CELA3A: variants seen among roughly 807,000 people sequenced by gnomAD.
The protein encoded by CELA3A is chymotrypsin-like elastase family member 3A.
CELA3A carries 35 observed loss-of-function variants against 38.6 expected under a neutral mutation model. That is an observed-to-expected ratio of 0.91 (90% CI 0.69 to 1.20). CELA3A has a LOEUF of 1.20. Ranked by LOEUF, CELA3A falls within the 50% of genes most tolerant of loss-of-function variation. The probability of loss-of-function intolerance (pLI) is 0.00; values close to 1 mark genes in which losing one functional copy is unlikely to be tolerated. For synonymous variants in CELA3A, 143 were observed against 136.7 expected, an observed-to-expected ratio of 1.05 and a Z score of -0.32; for missense variants, 343 against 354.2, an observed-to-expected ratio of 0.97 and a Z score of 0.25.
rs944566744 is a variant in CELA3A at position 22,008,574 on chromosome 1, A to C, written c.642+1059A>C. Reference sequence around the variant, plus strand: ...GGAGATCGAGATCATCCTGGCTAACATGGTGAAACCTCGTCTCTACTAAAC... The same window carrying C: ...GGAGATCGAGATCATCCTGGCTAACCTGGTGAAACCTCGTCTCTACTAAAC... On this transcript the variant is annotated intron_variant, in intron 6 of 7. Transcript: ENST00000290122. 4.0e-5 allele frequency among the ~76,000 whole-genome samples: 6 copies of C among 150,676 alleles called. 1 individual carries two copies. Among genetic ancestry groups the C allele is most frequent in the African/African-American group, 1.5e-4 (6 of 40,536 alleles).
chr1:22,004,810 G>A (rs1204405511), intron 2 of CELA3A, among the ~76,000 whole-genome samples: 3 of 151,260 alleles, frequency 2.0e-5, no homozygotes, highest in African/African-American at 7.3e-5. Context: ...GTTCAAAAGA[G>A]TCAGGGGGGC....
intron 6 of CELA3A, among the ~76,000 whole-genome samples, chr1:22,008,366 G>T (rs555349212): frequency 6.6e-6 from 1 of 150,554 alleles, no homozygotes; most frequent in South Asian, 2.1e-4. Flanking sequence ...GCCCAGGCTG[G>T]TCTCTAACTC....
Position 22,012,245 on chromosome 1 carries a change from G to C in CELA3A, c.796-205G>C, listed in dbSNP as rs1269777621. Reference sequence around the variant, plus strand: ...CTAAATTTGTGCTGGGCATTGTAAAGAGAACCTTAGTTAACAATTTAATCA... The same window carrying C: ...CTAAATTTGTGCTGGGCATTGTAAACAGAACCTTAGTTAACAATTTAATCA... On this transcript the variant is annotated intron_variant, in intron 7 of 7. Coordinates refer to ENST00000290122, the MANE Select transcript of CELA3A (RefSeq NM_005747.5). 1.6e-5 allele frequency among the ~76,000 whole-genome samples: 2 copies of C among 126,338 alleles called. 1 individual carries two copies. The highest frequency in any genetic ancestry group is 3.2e-5 in the Non-Finnish European group (2 of 61,632). 82.9% of individuals were successfully genotyped at this position (126,338 alleles called of 152,430 possible).
Position 22,007,119 on chromosome 1 carries a change from C to T in CELA3A, c.499+105C>T, listed in dbSNP as rs1644955554. The T allele has an allele frequency of 2.7e-6, 4 of 1,497,616 alleles. 1 individual carries two copies. The highest frequency in any genetic ancestry group is 2.8e-5 in the African/African-American group (2 of 71,092). The allele number at this position is 1,497,616 out of a possible 1,614,324, so 92.8% of individuals were successfully genotyped here. A position where few individuals can be genotyped will look rare whatever the true frequency, so the allele number is the denominator to read the frequency against. ...CCAAGACCGGACCTTGTACTTTTCT[C>T]CCATTTCTCTCCAGCTGCAGCCTTC... On this transcript the variant is annotated intron_variant, in intron 5 of 7. Coordinates refer to ENST00000290122, the MANE Select transcript of CELA3A (RefSeq NM_005747.5).
At chr1:22,007,614 C>T (rs1644959392) in intron 6 of CELA3A, 99 bp downstream of exon 6, 10 of 1,501,928 alleles carry the variant, frequency 6.7e-6, no homozygotes, top group South Asian at 2.7e-5. Context: ...TGCCTGCTTG[C>T]CCCATTCAGC....
intron 2 of CELA3A, among the ~76,000 whole-genome samples, 171 bp from the exon 3 acceptor site, chr1:22,005,276 C>T (rs1481312643): frequency 2.6e-5 from 4 of 151,782 alleles, no homozygotes; most frequent in African/African-American, 7.3e-5. Flanking sequence ...AGGGCCACCA[C>T]GGGCAGCTGC....
At chr1:22,006,466 G>A (rs1644950533) in intron 4 of CELA3A, among the ~76,000 whole-genome samples, 3 of 151,272 alleles carry the variant, frequency 2.0e-5, no homozygotes, top group African/African-American at 7.3e-5. Flanking sequence ...GGCGGAGGCT[G>A]CAGTGAGCCA....
rs1459052907 is a variant in CELA3A, at chr1:22,011,479, G to C, written c.796-971G>C. The stretch of plus-strand genomic sequence containing the variant: ...CCATGTTAAAAAAATATATATATAA[G>C]GCCAGGCACGGTGGCTCATGCCTGT... On this transcript the variant is annotated intron_variant, in intron 7 of 7. Transcript: ENST00000290122. Among the ~76,000 whole-genome samples the C allele has an allele frequency of 1.5e-5, 2 of 129,214 alleles. 1 individual carries two copies. The highest frequency in any genetic ancestry group is 3.2e-5 in the Non-Finnish European group (2 of 62,360). 84.8% of individuals were successfully genotyped at this position (129,214 alleles called of 152,430 possible). A position where few individuals can be genotyped will look rare whatever the true frequency, so the allele number is the denominator to read the frequency against.
At position 22,007,008 on chromosome 1, in the gene CELA3A, C is replaced by G; in HGVS notation, c.493C>G (p.Leu165Val). 6.2e-7 allele frequency: 1 copy of G among 1,612,370 alleles called. No individual in the cohort carries two copies. Among genetic ancestry groups the G allele is most frequent in the Non-Finnish European group, 8.5e-7 (1 of 1,179,370 alleles). Residue 165 changes from leucine to valine, a missense_variant, in exon 5 of 8, where the codon CTC (leucine) becomes GTC (valine). By Grantham distance (32) the Leu-to-Val change is conservative (BLOSUM62 1). Coordinates refer to ENST00000290122, the MANE Select transcript of CELA3A (RefSeq NM_005747.5). The part of the protein sequence containing the change: ...TPCYITGWGR[L>V]YTNGPLPDKL... ...CTGCTACATCACCGGCTGGGGCCGT[C>G]TCTATAGTACGTGCTGACTTCTCTA...
At chr1:22,003,681 C>CAA (rs755292250) in intron 2 of CELA3A, among the ~76,000 whole-genome samples, 3 of 143,144 alleles carry the variant, frequency 2.1e-5, no homozygotes, top group Admixed American at 1.4e-4. Context: ...GACTCTGTCT[C>CAA]AAAAAAAAAA....
intron 6 of CELA3A, among the ~76,000 whole-genome samples, chr1:22,008,128 T>TG (rs61132601): frequency 0.73 from 104,740 of 143,566 alleles, 41,360 homozygotes; most frequent in Non-Finnish European, 0.88. Context: ...CACCCAAGCC[T>TG]GGCGACACAG....
chr1:22,006,329 A>G lies in CELA3A; in HGVS notation c.362+533A>G, dbSNP rs1323406672. On this transcript the variant is annotated intron_variant, in intron 4 of 7. Transcript: ENST00000290122. ...GGCTTCCTGGGTGGTGTGAAGGCCA[A>G]GGAGACAATCTTATGCCTTTCAAGT... 2.6e-5 allele frequency among the ~76,000 whole-genome samples: 4 copies of G among 151,410 alleles called. No homozygotes were observed. In the East Asian group the frequency reaches 7.8e-4, roughly 29 times the overall value.
intron 1 of CELA3A, among the ~76,000 whole-genome samples, chr1:22,002,270 C>A (rs1461638461): frequency 4.6e-5 from 7 of 151,390 alleles, no homozygotes; most frequent in Non-Finnish European, 7.4e-5. Context: ...CTCAGGAGAT[C>A]AGTACTATCA....
In CELA3A at chr1:22,011,270, AC is replaced by A. The variant is rs1217009307; in HGVS notation, c.796-1179del. Among the ~76,000 whole-genome samples the A allele has an allele frequency of 1.0e-4, 15 of 148,564 alleles. 1 individual carries two copies. The East Asian group carries it at 3.1e-3, about 31-fold the overall frequency. ...TTGGTGCATGCCTGTGGTCCCAGCT[AC>A]TCAGGAGGCTGAGGCAGGAGAACTG... On this transcript the variant is annotated intron_variant, in intron 7 of 7. Transcript: ENST00000290122.
At position 22,001,787 on chromosome 1, in the gene CELA3A, G is replaced by A. The variant is rs1002513036; in HGVS notation, c.43+70G>A. The A allele has an allele frequency of 1.9e-5, 30 of 1,585,084 alleles. 1 individual carries two copies. Among genetic ancestry groups the A allele is most frequent in the African/African-American group, 1.4e-4 (10 of 73,040 alleles). ...TAGGAATCCTTGAAATCTACCACTC[G>A]CTCTGAGTCCCATGACATGCTATGC... On this transcript the variant is annotated intron_variant, in intron 1 of 7. Coordinates refer to ENST00000290122, the MANE Select transcript of CELA3A (RefSeq NM_005747.5).
In CELA3A at chr1:22,005,778, G is replaced by T; in HGVS notation, c.344G>T (p.Arg115Leu). Reference sequence around the variant, plus strand: ...CTGTTTGTGCATCCACTCTGGAACCGCTCGTGTGTGGCCTGTGGGTGAGTG... The same window carrying T: ...CTGTTTGTGCATCCACTCTGGAACCTCTCGTGTGTGGCCTGTGGGTGAGTG... ...EELFVHPLWNRSCVACGNDIA... is the reference protein window; with the variant it reads ...EELFVHPLWNLSCVACGNDIA... The change falls in exon 4 of 8, where the codon CGC becomes CTC. Residue 115 changes from arginine to leucine, a missense_variant. Arg to Leu is a moderately radical substitution (Grantham distance 102, BLOSUM62 -2). Transcript: ENST00000290122. The T allele has an allele frequency of 6.2e-7, 1 of 1,611,612 alleles. No individual in the cohort carries two copies. Among genetic ancestry groups the T allele is most frequent in the Non-Finnish European group, 8.5e-7 (1 of 1,179,510 alleles).
chr1:22,003,627 G>C (rs1644931041), intron 2 of CELA3A, among the ~76,000 whole-genome samples: 1 of 150,554 alleles, frequency 6.6e-6, no homozygotes, highest in Non-Finnish European at 1.5e-5. Flanking sequence ...GTTGCAGTGA[G>C]ACAAGATTGC....
In CELA3A at chr1:22,009,656, G is replaced by A. The variant is rs368298342; in HGVS notation, c.643-49G>A. Reference sequence around the variant, plus strand: ...ATCCCTAGAATTCAGAACCAGTTCCGTAAACCTCAGACATGGCTCAGCCAC... The same window carrying A: ...ATCCCTAGAATTCAGAACCAGTTCCATAAACCTCAGACATGGCTCAGCCAC... On this transcript the variant is annotated intron_variant, in intron 6 of 7. Coordinates refer to ENST00000290122, the MANE Select transcript of CELA3A (RefSeq NM_005747.5). 632 of 1,590,624 alleles carry A rather than the reference G, an allele frequency of 4.0e-4. 10 individuals are homozygous for A. The highest frequency in any genetic ancestry group is 1.7e-3 in the South Asian group (147 of 88,174).
At chr1:22,011,795 C>T (rs1466142620) in intron 7 of CELA3A, among the ~76,000 whole-genome samples, 1 of 125,204 alleles carries the variant, frequency 8.0e-6, no homozygotes, top group African/African-American at 3.3e-5. Flanking sequence ...TGGCTCACAC[C>T]CGTAATCCCA....
Sources: allele counts gnomAD v4.1 joint callset (sites outside exome capture counted in the v4.1 genomes callset), GRCh38; gene constraint gnomAD v4.1.1; transcripts MANE v1.5; gene names NCBI Gene and HGNC (gene_info 2026-07-23, HGNC 2026-07-21).